Variants in SERPING1 observed in about 807,000 individuals in gnomAD.
The protein encoded by SERPING1 is plasma protease C1 inhibitor.
SERPING1 carries 5 observed loss-of-function variants against 34.1 expected under a neutral mutation model. The observed-to-expected ratio is 0.15, with a 90% confidence interval of 0.08 to 0.31. SERPING1 has a LOEUF of 0.31. Among genes scored for constraint, SERPING1 ranks in the 10% least tolerant of loss-of-function variants. SERPING1 has a pLI of 1.00. For synonymous variants in SERPING1, 225 were observed against 242.4 expected, an observed-to-expected ratio of 0.93 and a Z score of 0.67; for missense variants, 505 against 609.5, an observed-to-expected ratio of 0.83 and a Z score of 1.81.
intron 6 of SERPING1, among the ~76,000 whole-genome samples, chr11:57,609,626 G>C (rs1445111885): frequency 6.6e-6 from 1 of 151,860 alleles, no homozygotes. Context: ...ACTCTCATTT[G>C]TTCTTGAATT....
At chr11:57,598,195 G>T in intron 1 of SERPING1, 54 bp from the exon 2 acceptor site, 1 of 1,441,428 alleles carries the variant, frequency 6.9e-7, no homozygotes, top group Non-Finnish European at 9.4e-7. Flanking sequence ...GGCGGGGTGG[G>T]GGCCCCTGGG....
chr11:57,612,799 C>T (rs1945494944), intron 7 of SERPING1, among the ~76,000 whole-genome samples: 1 of 151,976 alleles, frequency 6.6e-6, no homozygotes, highest in Non-Finnish European at 1.5e-5. Context: ...GGCTGGAGCG[C>T]AGTGGCATGA....
In SERPING1 at chr11:57,614,330, T is replaced by C; in HGVS notation, c.1252T>C (p.Phe418Leu). ...DMLSIMEKLE[F>L]FDFSYDLNLC... is the part of the protein sequence containing the mutation. ...GTTTTTCTCTGGTTTTGCCCTAGAA[T>C]TCTTCGATTTTTCTTATGACCTTAA... The change falls in exon 8 of 8, where the codon TTC becomes CTC. Residue 418 changes from phenylalanine to leucine, a missense_variant and splice_region_variant. Physicochemically the swap from Phe to Leu is conservative, Grantham distance 22. Coordinates refer to ENST00000278407, the MANE Select transcript of SERPING1 (RefSeq NM_000062.3). The C allele has an allele frequency of 6.2e-7, 1 of 1,613,726 alleles. No individual in the cohort carries two copies. The highest frequency in any genetic ancestry group is 1.1e-5 in the South Asian group (1 of 91,086).
rs1945328931 is a variant in SERPING1 at position 57,599,992 on chromosome 11, C to T, written c.165C>T (p.Phe55=). 1 of 1,614,174 alleles carries T rather than the reference C, an allele frequency of 6.2e-7. No individual in the cohort carries two copies. Among genetic ancestry groups the T allele is most frequent in the Non-Finnish European group, 8.5e-7 (1 of 1,180,036 alleles). The change falls in exon 3 of 8, where the codon TTC becomes TTT. Residue 55 remains phenylalanine (F), a synonymous_variant. Coordinates refer to ENST00000278407, the MANE Select transcript of SERPING1 (RefSeq NM_000062.3). ...VATTVISKML[F]VEPILEVSSL... ...CAACAGTTATCTCCAAGATGCTATT[C>T]GTTGAACCCATCCTGGAGGTTTCCA...
intron 2 of SERPING1, 58 bp downstream of exon 2, chr11:57,598,379 G>A: frequency 2.0e-6 from 3 of 1,508,848 alleles, no homozygotes; most frequent in Non-Finnish European, 1.8e-6. Flanking sequence ...GGGATGGTGC[G>A]GGGTGCGGGC....
At chr11:57,607,782 C>T (rs1212855090) in intron 6 of SERPING1, among the ~76,000 whole-genome samples, 1 of 152,296 alleles carries the variant, frequency 6.6e-6, no homozygotes, top group Middle Eastern at 3.4e-3. Flanking sequence ...GCCTCAGCCT[C>T]CCAAGTAGCT....
intron 3 of SERPING1, among the ~76,000 whole-genome samples, chr11:57,601,401 C>CA (rs34815456): frequency 0.034 from 4,904 of 143,188 alleles, 292 homozygotes; most frequent in African/African-American, 0.11. Context: ...GACTCTGTCT[C>CA]AAAAAAAAAA....
rs1293548359 is a variant in SERPING1, at chr11:57,614,436, G to C, written c.1358G>C (p.Gly453Ala). The C allele has an allele frequency of 6.2e-7, 1 of 1,614,136 alleles. No homozygotes were observed. Among genetic ancestry groups the C allele is most frequent in the South Asian group, 1.1e-5 (1 of 91,084 alleles). ...HQTVLELTET[G>A]VEAAAASAIS... ...ACAGTGCTGGAACTGACAGAGACTG[G>C]GGTGGAGGCGGCTGCAGCCTCCGCC... Residue 453 changes from glycine (G) to alanine (A), a missense_variant, in exon 8 of 8, where the codon GGG (glycine) becomes GCG (alanine). Gly to Ala is a moderately conservative substitution (Grantham distance 60). Coordinates refer to ENST00000278407, the MANE Select transcript of SERPING1 (RefSeq NM_000062.3).
At chr11:57,611,170 A>G (rs1945472552) in intron 6 of SERPING1, 6 of 162,832 alleles carry the variant, frequency 3.7e-5, no homozygotes, top group Admixed American at 1.1e-4. Flanking sequence ...TGACCTCGTG[A>G]TCCGCCCACC....
rs28362944 is a variant in SERPING1 at position 57,598,250 on chromosome 11, T to C, written c.-21T>C. 0.042 allele frequency: 64,535 copies of C among 1,544,846 alleles called. 1,559 individuals are homozygous for C. Among genetic ancestry groups the C allele is most frequent in the Non-Finnish European group, 0.049 (56,052 of 1,142,870 alleles). On this transcript the variant is annotated splice_region_variant and 5_prime_UTR_variant, in exon 2 of 8. Coordinates refer to ENST00000278407, the MANE Select transcript of SERPING1 (RefSeq NM_000062.3). ...CTCCGAGGCTGGCTGGCTCCGCAGG[T>C]CCGCTGACGTCGCCGCCCAGATGGC...
intron 6 of SERPING1, among the ~76,000 whole-genome samples, chr11:57,607,984 T>C (rs914961150): frequency 2.0e-5 from 3 of 152,178 alleles, no homozygotes; most frequent in Admixed American, 6.5e-5. Flanking sequence ...GACCATTCTT[T>C]GCTCAGTTAT....
chr11:57,614,751 C>T lies in SERPING1; in HGVS notation c.*170C>T, dbSNP rs1016933548. The T allele has an allele frequency of 4.2e-6, 3 of 716,550 alleles. No homozygotes were observed. Among genetic ancestry groups the T allele is most frequent in the Non-Finnish European group, 6.8e-6 (3 of 441,464 alleles). The allele number at this position is 716,550 out of a possible 1,614,324, so 44.4% of individuals were successfully genotyped here. On this transcript the variant is annotated 3_prime_UTR_variant, in exon 8 of 8. Coordinates refer to ENST00000278407, the MANE Select transcript of SERPING1 (RefSeq NM_000062.3). ...GGGCAAGGGACCTGCTTCTATTAGCCCTTCTCCATGGCCCTGCCATGCTCT... is the reference window on the plus strand; with the variant it reads ...GGGCAAGGGACCTGCTTCTATTAGCTCTTCTCCATGGCCCTGCCATGCTCT...
chr11:57,611,401 A>AC (rs763282463), intron 6 of SERPING1: 5 of 444,096 alleles, frequency 1.1e-5, no homozygotes, highest in Non-Finnish European at 8.4e-6. Context: ...TATGCACAAC[A>AC]CATTAGGAAG....
chr11:57,613,296 G>T (rs1037411723), intron 7 of SERPING1, among the ~76,000 whole-genome samples: 3 of 152,110 alleles, frequency 2.0e-5, no homozygotes, highest in Admixed American at 6.6e-5. Context: ...ACTCTACCTG[G>T]AAATAACATC....
At chr11:57,611,656 G>T in intron 6 of SERPING1, 61 bp from the exon 7 acceptor site, 1 of 1,459,930 alleles carries the variant, frequency 6.8e-7, no homozygotes, top group Non-Finnish European at 9.6e-7. Flanking sequence ...TTGTGACAGA[G>T]GGTGGGGCCA....
intron 6 of SERPING1, among the ~76,000 whole-genome samples, chr11:57,607,752 C>T (rs1366340882): frequency 7.9e-5 from 12 of 152,162 alleles, no homozygotes; most frequent in African/African-American, 2.2e-4. Flanking sequence ...CTCTGCCTCC[C>T]GAGTTCAAGC....
In SERPING1 at chr11:57,598,287, C is replaced by CCCTGCTGACCCT; in HGVS notation, c.25_36dup (p.Thr9_Leu12dup). On this transcript the variant is annotated inframe_insertion, in exon 2 of 8. Transcript: ENST00000278407. ...GCCGCCCAGATGGCCTCCAGGCTGA[C>CCCTGCTGACCCT]CCTGCTGACCCTCCTGCTGCTGCTG... 6.4e-7 allele frequency: 1 copy of CCCTGCTGACCCT among 1,562,018 alleles called. No homozygotes were observed. The highest frequency in any genetic ancestry group is 8.7e-7 in the Non-Finnish European group (1 of 1,153,288).
rs11603020 is a variant in SERPING1, at chr11:57,606,859, T to C, written c.1029+312T>C. 0.23 allele frequency: 138,967 copies of C among 599,040 alleles called. 17,573 individuals carry two copies. Among genetic ancestry groups the C allele is most frequent in the Non-Finnish European group, 0.27 (87,378 of 319,668 alleles). 37.1% of individuals were successfully genotyped at this position (599,040 alleles called of 1,614,324 possible). A position where few individuals can be genotyped will look rare whatever the true frequency, so the allele number is the denominator to read the frequency against. Reference sequence around the variant, plus strand: ...TTTTCCAGTCAACTCATCAGAAGACTCTGGTGGCTTAGCAAGTCCTGTGTG... The same window carrying C: ...TTTTCCAGTCAACTCATCAGAAGACCCTGGTGGCTTAGCAAGTCCTGTGTG... On this transcript the variant is annotated intron_variant, in intron 6 of 7. Transcript: ENST00000278407.
At chr11:57,605,614 C>A in intron 4 of SERPING1, 1 of 194,650 alleles carries the variant, frequency 5.1e-6, no homozygotes, top group Non-Finnish European at 1.0e-5. Context: ...GGACTGAAGG[C>A]TTTTGCAGAG....
Sources: allele counts gnomAD v4.1 joint callset (sites outside exome capture counted in the v4.1 genomes callset), GRCh38; gene constraint gnomAD v4.1.1; transcripts MANE v1.5; gene names NCBI Gene and HGNC (gene_info 2026-07-23, HGNC 2026-07-21).